The following RAD17 variants were observed in gnomAD, a reference collection of about 807,000 sequenced individuals.
RAD17 encodes RAD17 checkpoint clamp loader component.
A neutral mutation model predicts 81.5 loss-of-function variants in RAD17; 31 were observed. The ratio of observed to expected loss-of-function variants is 0.38; its 90% CI spans 0.29 to 0.51. RAD17 has a LOEUF of 0.51. RAD17 is among the 20% of genes least tolerant of loss of function. The probability of loss-of-function intolerance (pLI) is 0.88; values close to 1 mark genes in which losing one functional copy is unlikely to be tolerated. For synonymous variants in RAD17, 261 were observed against 266.2 expected, an observed-to-expected ratio of 0.98 and a Z score of 0.19; for missense variants, 681 against 781.2, an observed-to-expected ratio of 0.87 and a Z score of 1.53.
In RAD17 at chr5:69,410,489, T is replaced by G. The variant is rs546171180; in HGVS notation, c.1694-4T>G. On this transcript the variant is annotated splice_polypyrimidine_tract_variant and splice_region_variant and intron_variant, in intron 17 of 18. Transcript: ENST00000354868. ...GTTTACAACTTTTAAAAAATCTGTT[T>G]CAGCTCAGATTTCTTTTATCCAAGA... 6.2e-7 allele frequency: 1 copy of G among 1,611,014 alleles called. No individual in the cohort carries two copies. Among genetic ancestry groups the G allele is most frequent in the Non-Finnish European group, 8.5e-7 (1 of 1,178,070 alleles).
chr5:69,413,231 G>A (rs775947810), intron 18 of RAD17, among the ~76,000 whole-genome samples: 1 of 151,702 alleles, frequency 6.6e-6, no homozygotes, highest in Admixed American at 6.6e-5. Context: ...ACCTGAGTTC[G>A]GGAGTTCAAG....
intron 17 of RAD17, among the ~76,000 whole-genome samples, chr5:69,401,013 T>C (rs1174401723): frequency 6.6e-6 from 1 of 150,734 alleles, no homozygotes; most frequent in Non-Finnish European, 1.5e-5. Context: ...CCCAGCACTT[T>C]GGGAGGCCAA....
chr5:69,377,477 ACACACACACATATATATACG>A, intron 6 of RAD17, among the ~76,000 whole-genome samples: 1 of 8,134 alleles, frequency 1.2e-4, no homozygotes, highest in South Asian at 4.6e-3. Flanking sequence ...ATATATATAC[ACACACACACATATATATACG>A]TATATATATG....
chr5:69,371,114 C>A lies in RAD17; in HGVS notation c.-337C>A. ...CAACTGTAATTTGAAATAAGGAAAA[C>A]TTTAATTTTCAGTATAAAAATTGCT... On this transcript the variant is annotated 5_prime_UTR_variant, in exon 2 of 19. Transcript: ENST00000354868. 2 of 457,036 alleles carry A rather than the reference C, an allele frequency of 4.4e-6. No individual in the cohort carries two copies. Among genetic ancestry groups the A allele is most frequent in the South Asian group, 1.7e-5 (1 of 60,028 alleles). 28.3% of individuals were successfully genotyped at this position (457,036 alleles called of 1,614,324 possible).
At chr5:69,382,181 C>A in intron 7 of RAD17, 124 bp downstream of exon 7, 1 of 1,145,892 alleles carries the variant, frequency 8.7e-7, no homozygotes, top group Non-Finnish European at 1.3e-6. Context: ...TGGAATTTCA[C>A]AGGCCAGGTG....
At chr5:69,390,699 T>G (rs2150828574) in intron 12 of RAD17, among the ~76,000 whole-genome samples, 1 of 151,722 alleles carries the variant, frequency 6.6e-6, no homozygotes, top group East Asian at 1.9e-4. Context: ...TCTCGCCTGT[T>G]ATCCCAACAC....
chr5:69,377,437 G>GTATATATATATATATATATA (rs1229779615), intron 6 of RAD17, among the ~76,000 whole-genome samples: 856 of 25,682 alleles, frequency 0.033, 41 homozygotes, highest in South Asian at 0.11. Flanking sequence ...GTGTGTGTGT[G>GTATATATATATATATATATA]TGTATATATA....
chr5:69,401,673 C>CT (rs1257556613), intron 17 of RAD17, among the ~76,000 whole-genome samples: 1 of 151,992 alleles, frequency 6.6e-6, no homozygotes, highest in Non-Finnish European at 1.5e-5. Context: ...TGCCCTTCTC[C>CT]TTGCCAATTG....
In RAD17 at chr5:69,377,507, GTA is replaced by G. The variant is rs1241607474; in HGVS notation, c.351+2803_351+2804del. Among the ~76,000 whole-genome samples the G allele has an allele frequency of 1.1e-4, 8 of 73,144 alleles. 1 individual carries two copies. The South Asian group carries it at 3.9e-3, about 36-fold the overall frequency. 48.0% of individuals were successfully genotyped at this position (73,144 alleles called of 152,430 possible). A position where few individuals can be genotyped will look rare whatever the true frequency, so the allele number is the denominator to read the frequency against. On this transcript the variant is annotated intron_variant, in intron 6 of 18. Coordinates refer to ENST00000354868, the MANE Select transcript of RAD17 (RefSeq NM_133338.3). Reference sequence around the variant, plus strand: ...CACACATATATATACGTATATATATGTATATATACGTATATATATGTGTATAT... The same window carrying G: ...CACACATATATATACGTATATATATGTATATACGTATATATATGTGTATAT...
intron 3 of RAD17, 57 bp downstream of exon 3, chr5:69,371,614 A>G: frequency 6.2e-6 from 6 of 973,624 alleles, no homozygotes; most frequent in Admixed American, 6.4e-5. Context: ...ATAAATTTTT[A>G]TATATATTCT....
intron 18 of RAD17, 129 bp downstream of exon 18, chr5:69,410,679 AATTGT>A (rs1415722839): frequency 4.7e-6 from 4 of 845,760 alleles, no homozygotes; most frequent in Non-Finnish European, 7.6e-6. Context: ...TTATAAACAT[AATTGT>A]ATTGTAGACC....
intron 6 of RAD17, among the ~76,000 whole-genome samples, chr5:69,380,884 G>A (rs1223822598): frequency 6.6e-6 from 1 of 151,152 alleles, no homozygotes; most frequent in Non-Finnish European, 1.5e-5. Context: ...TTCCACCTCA[G>A]CCTCCTGACC....
chr5:69,386,308 A>G lies in RAD17; in HGVS notation c.824+3A>G. On this transcript the variant is annotated splice_donor_region_variant and intron_variant, in intron 10 of 18. Transcript: ENST00000354868. Reference sequence around the variant, plus strand: ...GAGTGTTCTATCTCAAATATTAGGTAAGAAAGAAATTTCTGCTTATAAAGG... The same window carrying G: ...GAGTGTTCTATCTCAAATATTAGGTGAGAAAGAAATTTCTGCTTATAAAGG... 1.3e-6 allele frequency: 2 copies of G among 1,591,464 alleles called. No homozygotes were observed. Among genetic ancestry groups the G allele is most frequent in the Non-Finnish European group, 1.7e-6 (2 of 1,170,354 alleles).
chr5:69,405,950 G>T (rs144110211), intron 17 of RAD17, among the ~76,000 whole-genome samples: 1 of 151,938 alleles, frequency 6.6e-6, no homozygotes, highest in East Asian at 1.9e-4. Flanking sequence ...TCTGAGGCAG[G>T]AGAATTGCTT....
At chr5:69,408,506 C>CTT (rs913594965) in intron 17 of RAD17, among the ~76,000 whole-genome samples, 34,707 of 88,208 alleles carry the variant, frequency 0.39, 6,973 homozygotes, top group South Asian at 0.43. Flanking sequence ...ACCCTAATTA[C>CTT]TTTTTTTTTT....
Position 69,414,480 on chromosome 5 carries a change from C to A in RAD17, c.*188C>A. ...TGAAGTAAATAGAAGATCAAGCCTT[C>A]AAATCTCTTAATTTTTTCGGTATTT... On this transcript the variant is annotated 3_prime_UTR_variant, in exon 19 of 19. Transcript: ENST00000354868. The A allele has an allele frequency of 1.4e-6, 1 of 714,278 alleles. No individual in the cohort carries two copies. Among genetic ancestry groups the A allele is most frequent in the Non-Finnish European group, 2.2e-6 (1 of 446,388 alleles). 44.2% of individuals were successfully genotyped at this position (714,278 alleles called of 1,614,324 possible).
chr5:69,382,024 C>T lies in RAD17; in HGVS notation c.475C>T (p.Gln159Ter). ...GATTAATCCAGTTTTACCAGACTTC[C>T]AAAAAGATGATTTCAAGGGGATGTT... ...EWINPVLPDF[Q>*]KDDFKGMFNT... The change falls in exon 7 of 19, where the codon CAA becomes TAA. Residue 159 changes from glutamine to a stop codon, truncating the protein, a stop_gained. Coordinates refer to ENST00000354868, the MANE Select transcript of RAD17 (RefSeq NM_133338.3). LOFTEE classifies it high-confidence loss of function. 6.2e-7 allele frequency: 1 copy of T among 1,612,086 alleles called. No individual in the cohort carries two copies. The highest frequency in any genetic ancestry group is 8.5e-7 in the Non-Finnish European group (1 of 1,178,754).
intron 8 of RAD17, among the ~76,000 whole-genome samples, chr5:69,385,231 A>G (rs1027331341): frequency 7.0e-6 from 1 of 142,290 alleles, no homozygotes; most frequent in South Asian, 2.3e-4. Flanking sequence ...AAGTGCTGGG[A>G]TTACAGGCGT....
chr5:69,400,219 T>TATTTATTC, intron 17 of RAD17, 50 bp downstream of exon 17: 1 of 1,178,952 alleles, frequency 8.5e-7, no homozygotes, highest in Non-Finnish European at 1.1e-6. Context: ...TTTATTTATT[T>TATTTATTC]ATTTATTTAT....
Sources: allele counts gnomAD v4.1 joint callset (sites outside exome capture counted in the v4.1 genomes callset), GRCh38; gene constraint gnomAD v4.1.1; transcripts MANE v1.5; gene names NCBI Gene and HGNC (gene_info 2026-07-23, HGNC 2026-07-21).